HEMK2: variants seen among roughly 807,000 people sequenced by gnomAD.
HEMK2 encodes methyltransferase HEMK2.
At chr21:28,751,050 T>G in the HEMK2 span, among the ~76,000 whole-genome samples, 25 of 151,938 alleles carry the variant, frequency 1.6e-4, no homozygotes, top group Admixed American at 5.9e-4. Context: ...GCTAACAAGG[T>G]GAAACCCCGT....
chr21:28,627,461 T>A, the HEMK2 span, among the ~76,000 whole-genome samples: 1 of 152,216 alleles, frequency 6.6e-6, no homozygotes, highest in Admixed American at 6.5e-5. Context: ...ACCATCTGTT[T>A]CATTTTAGCC....
At chr21:28,811,305 AAGGGG>A in the HEMK2 span, among the ~76,000 whole-genome samples, 15 of 134,706 alleles carry the variant, frequency 1.1e-4, no homozygotes, top group Non-Finnish European at 1.8e-4. Flanking sequence ...AAGGGAAGGG[AAGGGG>A]AGGGGAGGGG....
chr21:28,595,847 C>T, the HEMK2 span, among the ~76,000 whole-genome samples: 19 of 151,942 alleles, frequency 1.3e-4, no homozygotes, highest in African/African-American at 2.9e-4. Flanking sequence ...TGCAGTGGCG[C>T]GATCTTGGCT....
the HEMK2 span, among the ~76,000 whole-genome samples, chr21:28,602,187 T>C: frequency 3.9e-5 from 6 of 152,248 alleles, no homozygotes; most frequent in African/African-American, 1.4e-4. Flanking sequence ...TTGTCTTTGA[T>C]AACTTAAATA....
chr21:28,717,072 T>C, the HEMK2 span, among the ~76,000 whole-genome samples: 1 of 152,106 alleles, frequency 6.6e-6, no homozygotes, highest in African/African-American at 2.4e-5. Flanking sequence ...TATCGGCCTG[T>C]AGTTTTCTTT....
chr21:28,858,555 G>A, the HEMK2 span, among the ~76,000 whole-genome samples: 1 of 151,972 alleles, frequency 6.6e-6, no homozygotes. Flanking sequence ...AAGGAGGGAG[G>A]GAGGAAAGGA....
At chr21:28,876,323 C>T in the HEMK2 span, 3 of 1,154,018 alleles carry the variant, frequency 2.6e-6, no homozygotes, top group East Asian at 7.6e-5. Context: ...TAATGAATGA[C>T]TTCAGTTTCA....
chr21:28,825,367 C>G, the HEMK2 span, among the ~76,000 whole-genome samples: 1 of 152,324 alleles, frequency 6.6e-6, no homozygotes, highest in African/African-American at 2.4e-5. Flanking sequence ...TTGAGAACCA[C>G]TGCTCTAGGT....
the HEMK2 span, among the ~76,000 whole-genome samples, chr21:28,590,128 T>C: frequency 6.6e-6 from 1 of 152,236 alleles, no homozygotes; most frequent in East Asian, 1.9e-4. Context: ...TGTTTTTGGC[T>C]TTTTGTTTTT....
the HEMK2 span, among the ~76,000 whole-genome samples, chr21:28,782,401 G>C: frequency 1.3e-5 from 2 of 152,150 alleles, no homozygotes; most frequent in African/African-American, 4.8e-5. Context: ...TCAAGGCTTA[G>C]GTTCCTCTCC....
At chr21:28,872,165 A>G in the HEMK2 span, 1 of 152,152 alleles carries the variant, frequency 6.6e-6, no homozygotes, top group Admixed American at 6.5e-5. Flanking sequence ...TGACCAGAAA[A>G]AATTAGGCAC....
At chr21:28,793,892 C>T in the HEMK2 span, among the ~76,000 whole-genome samples, 1 of 152,120 alleles carries the variant, frequency 6.6e-6, no homozygotes, top group African/African-American at 2.4e-5. Context: ...CTGAAACCAC[C>T]AGAAGCTGAA....
At chr21:28,880,560 T>C in the HEMK2 span, among the ~76,000 whole-genome samples, 1 of 151,920 alleles carries the variant, frequency 6.6e-6, no homozygotes, top group Non-Finnish European at 1.5e-5. Flanking sequence ...ATGGCCAACA[T>C]GATGAAACCC....
chr21:28,593,000 T>C, the HEMK2 span, among the ~76,000 whole-genome samples: 1 of 152,188 alleles, frequency 6.6e-6, no homozygotes, highest in East Asian at 1.9e-4. Flanking sequence ...GATGATTCCA[T>C]GTAAACAAAC....
chr21:28,680,329 C>T, the HEMK2 span, among the ~76,000 whole-genome samples: 1 of 152,156 alleles, frequency 6.6e-6, no homozygotes, highest in African/African-American at 2.4e-5. Context: ...TCGACACATA[C>T]ACCCTCCCAA....
At chr21:28,795,599 G>A in the HEMK2 span, among the ~76,000 whole-genome samples, 2 of 152,200 alleles carry the variant, frequency 1.3e-5, no homozygotes, top group Non-Finnish European at 2.9e-5. Flanking sequence ...AGAAAAGAGG[G>A]AAAGGGCTCA....
chr21:28,680,428 A>G, the HEMK2 span, among the ~76,000 whole-genome samples: 1 of 152,198 alleles, frequency 6.6e-6, no homozygotes, highest in African/African-American at 2.4e-5. Context: ...CAACCAAAAA[A>G]AGTCCAGGAC....
At chr21:28,666,449 A>T in the HEMK2 span, among the ~76,000 whole-genome samples, 1 of 152,242 alleles carries the variant, frequency 6.6e-6, no homozygotes, top group African/African-American at 2.4e-5. Flanking sequence ...CCAACATGCA[A>T]ACAAGAAAAT....
chr21:28,818,082 T>G, the HEMK2 span, among the ~76,000 whole-genome samples: 1 of 152,086 alleles, frequency 6.6e-6, no homozygotes, highest in Non-Finnish European at 1.5e-5. Flanking sequence ...AGATTAACAT[T>G]TGAGTCAGTA....
Sources: allele counts gnomAD v4.1 joint callset (sites outside exome capture counted in the v4.1 genomes callset), GRCh38; gene constraint gnomAD v4.1.1; transcripts MANE v1.5; gene names NCBI Gene and HGNC (gene_info 2026-07-23, HGNC 2026-07-21).